Variants in BCL9 observed in about 807,000 individuals in gnomAD.
BCL9 encodes the protein BCL9 transcription coactivator, also known as B-cell CLL/lymphoma 9 protein.
BCL9 carries 25 observed loss-of-function variants against 88.5 expected under a neutral mutation model. The observed-to-expected ratio is 0.28, with a 90% CI of 0.21 to 0.39. The LOEUF (loss-of-function observed/expected upper bound fraction) is 0.39. Among genes scored for constraint, BCL9 ranks in the 10% least tolerant of loss-of-function variants. The pLI, the probability that BCL9 is intolerant of heterozygous loss-of-function variation, is 1.00. For missense variants in BCL9, 1,817 were observed against 1,877.8 expected (o/e 0.97, Z 0.60); for synonymous variants, 711 against 673.3 (o/e 1.06, Z -0.87).
intron 1 of BCL9, among the ~76,000 whole-genome samples, chr1:147,589,490 C>T (rs779373549): frequency 2.0e-5 from 3 of 152,192 alleles, no homozygotes; most frequent in Non-Finnish European, 4.4e-5. Flanking sequence ...TATTTGCAGT[C>T]GATCCCCATT....
At chr1:147,584,438 A>C (rs1553198942) in intron 1 of BCL9, among the ~76,000 whole-genome samples, 2 of 152,110 alleles carry the variant, frequency 1.3e-5, no homozygotes, top group African/African-American at 4.8e-5. Flanking sequence ...TTTGTTTTAT[A>C]GTATGAGATG....
rs188423540 is a variant in BCL9 at position 147,625,227 on chromosome 1, T to A, written c.*268T>A. 58 of 415,430 alleles carry A rather than the reference T, an allele frequency of 1.4e-4. No homozygotes were observed. Among genetic ancestry groups the A allele is most frequent in the African/African-American group, 1.1e-3 (54 of 50,832 alleles). 25.7% of individuals were successfully genotyped at this position (415,430 alleles called of 1,614,324 possible). A position where few individuals can be genotyped will look rare whatever the true frequency, so the allele number is the denominator to read the frequency against. On this transcript the variant is annotated 3_prime_UTR_variant, in exon 10 of 10. Transcript: ENST00000234739. The stretch of plus-strand genomic sequence containing the variant: ...GGGTATCAATGATGGCACCTACTTT[T>A]GGGAATCTGTAGCTGTGCTTTGAGA...
chr1:147,611,917 G>C, intron 4 of BCL9, 28 bp downstream of exon 4: 1 of 1,606,110 alleles, frequency 6.2e-7, no homozygotes, highest in Non-Finnish European at 8.5e-7. Flanking sequence ...GCCTCTTCCT[G>C]CAGCCCCTTG....
chr1:147,568,096 A>G (rs1255593198), intron 1 of BCL9, among the ~76,000 whole-genome samples: 1 of 152,202 alleles, frequency 6.6e-6, no homozygotes, highest in Non-Finnish European at 1.5e-5. Context: ...TAATGATCTC[A>G]CCTACCTCTG....
intron 3 of BCL9, among the ~76,000 whole-genome samples, chr1:147,608,368 C>T (rs1454553534): frequency 4.4e-5 from 5 of 112,374 alleles, no homozygotes; most frequent in Non-Finnish European, 8.5e-5. Flanking sequence ...AAAGATTCTA[C>T]AGCCTGTCTG....
At chr1:147,586,542 G>T (rs1056594066) in intron 1 of BCL9, among the ~76,000 whole-genome samples, 2 of 152,090 alleles carry the variant, frequency 1.3e-5, no homozygotes, top group Non-Finnish European at 2.9e-5. Context: ...ACTTTACTGC[G>T]CATCAAGAGC....
chr1:147,579,972 A>C (rs1656289232), intron 1 of BCL9, among the ~76,000 whole-genome samples: 1 of 152,196 alleles, frequency 6.6e-6, no homozygotes, highest in African/African-American at 2.4e-5. Context: ...GAAAGCAAAA[A>C]CAAGACATAT....
In BCL9 at chr1:147,620,957, C is replaced by G. The variant is rs1553205276; in HGVS notation, c.2802C>G (p.Thr934=). Residue 934 remains threonine (T), a synonymous_variant, in exon 8 of 10, where the codon ACC becomes ACG. Coordinates refer to ENST00000234739, the MANE Select transcript of BCL9 (RefSeq NM_004326.4). The part of the protein sequence containing the change: ...PSLPAPSPGW[T]SSPKPPLQSP... ...TTCCTGCCCCGTCACCTGGATGGAC[C>G]TCTTCTCCAAAACCTCCCCTTCAGA... 6.2e-7 allele frequency: 1 copy of G among 1,614,180 alleles called. No individual in the cohort carries two copies. The highest frequency in any genetic ancestry group is 8.5e-7 in the Non-Finnish European group (1 of 1,180,042).
intron 1 of BCL9, among the ~76,000 whole-genome samples, chr1:147,586,566 G>T (rs1454836942): frequency 6.6e-6 from 1 of 152,128 alleles, no homozygotes; most frequent in Admixed American, 6.5e-5. Context: ...GCTAGCAGGC[G>T]CCTGCCGTGA....
intron 1 of BCL9, among the ~76,000 whole-genome samples, chr1:147,558,018 A>G (rs1024129558): frequency 1.3e-5 from 2 of 152,220 alleles, no homozygotes; most frequent in South Asian, 2.1e-4. Context: ...GCCACTATGA[A>G]AGAAAAAAAA....
intron 1 of BCL9, among the ~76,000 whole-genome samples, chr1:147,545,374 G>A (rs1654518388): frequency 6.6e-6 from 1 of 152,174 alleles, no homozygotes. Context: ...TGCCTCTTGG[G>A]GAGGCAGTCT....
At chr1:147,562,850 G>T (rs1655439178) in intron 1 of BCL9, among the ~76,000 whole-genome samples, 1 of 152,018 alleles carries the variant, frequency 6.6e-6, no homozygotes, top group Non-Finnish European at 1.5e-5. Context: ...TATCAAAATG[G>T]CTTTCACTGC....
rs1553205191 is a variant in BCL9 at position 147,620,838 on chromosome 1, A to C, written c.2683A>C (p.Met895Leu). ...CCAGACTCCATCGCAGCTGGCAGGC[A>C]TGCTGGCGGGCCCAGCTGCTGCTGC... ...SPQTPSQLAG[M>L]LAGPAAAASI... Residue 895 changes from methionine (M) to leucine (L), a missense_variant, in exon 8 of 10, where the codon ATG becomes CTG. Met to Leu is a conservative substitution (Grantham distance 15). This residue lies in a region of BCL9 where 1,228 missense variants were observed against 1,191.6 expected (regional missense o/e 1.03). Coordinates refer to ENST00000234739, the MANE Select transcript of BCL9 (RefSeq NM_004326.4). 2 of 1,614,168 alleles carry C rather than the reference A, an allele frequency of 1.2e-6. No homozygotes were observed.
chr1:147,568,868 A>T (rs1337635251), intron 1 of BCL9, among the ~76,000 whole-genome samples: 1 of 152,156 alleles, frequency 6.6e-6, no homozygotes, highest in Non-Finnish European at 1.5e-5. Flanking sequence ...TTCTCCTACC[A>T]TTCTCATTCA....
intron 2 of BCL9, among the ~76,000 whole-genome samples, chr1:147,605,782 G>A (rs1657668894): frequency 6.6e-6 from 1 of 152,146 alleles, no homozygotes; most frequent in African/African-American, 2.4e-5. Flanking sequence ...GGAATCCTGA[G>A]GCTTTTTAGT....
intron 9 of BCL9, 63 bp from the exon 10 acceptor site, chr1:147,623,779 A>AT (rs1658777223): frequency 2.0e-6 from 3 of 1,513,772 alleles, no homozygotes; most frequent in South Asian, 2.6e-5. Context: ...TTGTTAATTT[A>AT]TTATAGTTTT....
chr1:147,589,228 C>T (rs1183073323), intron 1 of BCL9, among the ~76,000 whole-genome samples: 4 of 152,154 alleles, frequency 2.6e-5, no homozygotes, highest in East Asian at 1.9e-4. Context: ...TCCAGCCTGT[C>T]CTCTCACCTG....
chr1:147,567,425 T>A (rs1179393834), intron 1 of BCL9, among the ~76,000 whole-genome samples: 1 of 152,218 alleles, frequency 6.6e-6, no homozygotes, highest in African/African-American at 2.4e-5. Flanking sequence ...GTAGATAACT[T>A]ATTTCCAAAA....
chr1:147,553,957 C>G (rs927923198), intron 1 of BCL9, among the ~76,000 whole-genome samples: 4 of 152,132 alleles, frequency 2.6e-5, no homozygotes, highest in South Asian at 2.1e-4. Flanking sequence ...ACAGCTCATA[C>G]TCACTGATGG....
Sources: gnomAD v4.1 joint callset for allele counts (sites outside exome capture counted in the v4.1 genomes callset) on GRCh38, gnomAD v4.1.1 for gene constraint, gnomAD v4.1.1 regional missense constraint, MANE v1.5 for transcripts, NCBI Gene and HGNC (gene_info 2026-07-23, HGNC 2026-07-21) for gene names.